Variants in ZAN observed in about 807,000 individuals in gnomAD.
ZAN encodes the protein zonadhesin.
ZAN carries 260 observed loss-of-function variants against 286.2 expected under a neutral mutation model. The observed-to-expected ratio is 0.91, with a 90% CI of 0.82 to 1.01. The LOEUF (loss-of-function observed/expected upper bound fraction) is 1.01, where lower values mean the gene tolerates loss of function less well. Among genes scored for constraint, ZAN ranks in the 50% least tolerant of loss-of-function variants. The probability of loss-of-function intolerance (pLI) is 0.00; values close to 1 mark genes in which losing one functional copy is unlikely to be tolerated. For synonymous variants in ZAN, 1,368 were observed against 1,417.5 expected (o/e 0.97, Z 0.79); for missense variants, 3,410 against 3,639.2 (o/e 0.94, Z 1.62).
chr7:100,775,290 A>G (rs1810672445), intron 31 of ZAN, 38 bp from the exon 32 acceptor site: 3 of 1,603,078 alleles, frequency 1.9e-6, no homozygotes, highest in African/African-American at 2.7e-5. Flanking sequence ...TACCTGCCAG[A>G]GGAGCGTCAT....
intron 22 of ZAN, among the ~76,000 whole-genome samples, 200 bp from the exon 23 acceptor site, chr7:100,765,152 C>A (rs1809865158): frequency 6.6e-6 from 1 of 152,196 alleles, no homozygotes; most frequent in South Asian, 2.1e-4. Flanking sequence ...CTAAGTCTCT[C>A]AGGGCCGGCG....
chr7:100,776,658 CCCCTCCCCTT>C, intron 34 of ZAN, 94 bp downstream of exon 34: 4 of 897,630 alleles, frequency 4.5e-6, no homozygotes, highest in Non-Finnish European at 6.1e-6. Context: ...CCCCTCCCCT[CCCCTCCCCTT>C]CCTTCCTTTC....
chr7:100,792,317 G>C, intron 41 of ZAN, 88 bp from the exon 42 acceptor site: 1 of 1,520,440 alleles, frequency 6.6e-7, no homozygotes, highest in Non-Finnish European at 8.8e-7. Flanking sequence ...ATGTCTTTCT[G>C]TTTGGGGTTC....
intron 2 of ZAN, among the ~76,000 whole-genome samples, 165 bp downstream of exon 2, chr7:100,734,386 G>A (rs537174540): frequency 7.1e-6 from 1 of 140,996 alleles, no homozygotes; most frequent in Non-Finnish European, 1.6e-5. Context: ...TTGGGAGGCT[G>A]AGGTGGGCAG....
At position 100,787,910 on chromosome 7, in the gene ZAN, A is replaced by C. The variant is rs60783739; in HGVS notation, c.7001A>C (p.Tyr2334Ser). 23,174 of 1,543,484 alleles carry C rather than the reference A, an allele frequency of 0.015. 1,882 individuals carry two copies. In the African/African-American group the frequency reaches 0.21, roughly 14 times the overall value. The change falls in exon 38 of 48, where the codon TAT (tyrosine) becomes TCT (serine). Residue 2334 changes from tyrosine to serine, a missense_variant. This residue lies in a region of ZAN where 1,289 missense variants were observed against 1,314.3 expected (regional missense o/e 0.98). Coordinates refer to ENST00000613979, the MANE Select transcript of ZAN (RefSeq NM_003386.3). ...VSDKSEQCSVYGDPRYLTFDG... is the reference protein window; with the variant it reads ...VSDKSEQCSVSGDPRYLTFDG... ...GCAGAGTCTGAACAATGCTCAGTCTATGGCGACCCCCGTTACCTCACATTT... is the reference window on the plus strand; with the variant it reads ...GCAGAGTCTGAACAATGCTCAGTCTCTGGCGACCCCCGTTACCTCACATTT...
chr7:100,787,015 T>C (rs1171390672), intron 37 of ZAN, among the ~76,000 whole-genome samples: 2 of 151,836 alleles, frequency 1.3e-5, no homozygotes, highest in Non-Finnish European at 2.9e-5. Context: ...TGAGCTATGA[T>C]TGTACCACTG....
At chr7:100,770,503 C>CAA (rs71126334) in intron 28 of ZAN, among the ~76,000 whole-genome samples, 48,971 of 93,294 alleles carry the variant, frequency 0.52, 13,817 homozygotes, top group Middle Eastern at 0.65. Flanking sequence ...GACTCTGTCT[C>CAA]AAAAAAAAAA....
At chr7:100,762,066 C>A in intron 19 of ZAN, 149 bp from the exon 20 acceptor site, 3 of 913,476 alleles carry the variant, frequency 3.3e-6, no homozygotes, top group Non-Finnish European at 5.0e-6. Flanking sequence ...TGGGGGAGGG[C>A]CATGGGGTCC....
In ZAN at chr7:100,784,694, G is replaced by A. The variant is rs149194496; in HGVS notation, c.6694G>A (p.Asp2232Asn). 9.5e-4 allele frequency: 1,536 copies of A among 1,613,924 alleles called. 13 individuals are homozygous for A. In the East Asian group the frequency reaches 0.028, roughly 29 times the overall value. Residue 2232 changes from aspartate to asparagine, a missense_variant, in exon 36 of 48, where the codon GAT becomes AAT. By Grantham distance (23) the Asp-to-Asn change is conservative (BLOSUM62 1). Around this residue, in one of 7 missense-constraint regions of ZAN, gnomAD observed 1,289 missense variants for 1,314.3 expected, o/e 0.98. Transcript: ENST00000613979. Reference protein sequence around the residue: ...PSCSPSCWDLDGRCEGAKVPS... With the variant: ...PSCSPSCWDLNGRCEGAKVPS... Reference sequence around the variant, plus strand: ...CTGCTCACCCTCCTGCTGGGACCTGGATGGCCGGTGTGAGGGCGCCAAAGT... The same window carrying A: ...CTGCTCACCCTCCTGCTGGGACCTGAATGGCCGGTGTGAGGGCGCCAAAGT...
At chr7:100,755,203 G>A (rs1263560663) in intron 14 of ZAN, 23 bp from the exon 15 acceptor site, 1 of 1,598,234 alleles carries the variant, frequency 6.3e-7, no homozygotes, top group African/African-American at 1.3e-5. Flanking sequence ...ATGAAAGCAT[G>A]ACAGAGGCTG....
chr7:100,787,629 G>A (rs1811645397), intron 37 of ZAN, among the ~76,000 whole-genome samples: 1 of 151,924 alleles, frequency 6.6e-6, no homozygotes, highest in Admixed American at 6.6e-5. Flanking sequence ...GCGCGATCTC[G>A]GCGCTCACTA....
rs535036029 is a variant in ZAN at position 100,734,456 on chromosome 7, A to G, written c.53+235A>G. Among the ~76,000 whole-genome samples the G allele has an allele frequency of 5.0e-5, 7 of 139,640 alleles. No homozygotes were observed. In the East Asian group the frequency reaches 1.4e-3, roughly 29 times the overall value. 91.6% of individuals were successfully genotyped at this position (139,640 alleles called of 152,430 possible). On this transcript the variant is annotated intron_variant, in intron 2 of 47. Coordinates refer to ENST00000613979, the MANE Select transcript of ZAN (RefSeq NM_003386.3). The stretch of plus-strand genomic sequence containing the variant: ...AACATGGTGAAACCTCGTCTCTACT[A>G]AAAATACAAAAAATTAGCCAGGCGT...
At chr7:100,740,513 T>A (rs1346346618) in intron 7 of ZAN, among the ~76,000 whole-genome samples, 1 of 53,436 alleles carries the variant, frequency 1.9e-5, no homozygotes, top group African/African-American at 8.6e-5. Flanking sequence ...TTAACGAGCA[T>A]GCTGCCTTCA....
chr7:100,774,905 C>A (rs1016947957), intron 31 of ZAN, among the ~76,000 whole-genome samples: 1 of 131,772 alleles, frequency 7.6e-6, no homozygotes, highest in African/African-American at 2.8e-5. Context: ...GCCTCCTAGC[C>A]CTGGCCCTGG....
Position 100,764,205 on chromosome 7 carries a change from T to C in ZAN, c.4267+9T>C. On this transcript the variant is annotated intron_variant, in intron 22 of 47. Coordinates refer to ENST00000613979, the MANE Select transcript of ZAN (RefSeq NM_003386.3). ...GGAACCCCACTTCTGCCGTGAGTTG[T>C]GCCAAACTCAGAGGAGAGGCCGGGC... is the stretch of plus-strand genomic sequence containing the variant. The C allele has an allele frequency of 6.5e-7, 1 of 1,534,110 alleles. No individual in the cohort carries two copies. Among genetic ancestry groups the C allele is most frequent in the Non-Finnish European group, 8.8e-7 (1 of 1,140,710 alleles).
chr7:100,756,542 A>G (rs1223961575), intron 15 of ZAN, among the ~76,000 whole-genome samples: 2 of 151,784 alleles, frequency 1.3e-5, no homozygotes, highest in African/African-American at 4.8e-5. Flanking sequence ...TTTTGGGACT[A>G]TTATTTCTTT....
At chr7:100,770,503 CAA>C (rs71126334) in intron 28 of ZAN, among the ~76,000 whole-genome samples, 1 of 93,690 alleles carries the variant, frequency 1.1e-5, no homozygotes, top group African/African-American at 4.3e-5. Flanking sequence ...GACTCTGTCT[CAA>C]AAAAAAAAAA....
At position 100,790,960 on chromosome 7, in the gene ZAN, T is replaced by C. The variant is rs569735375; in HGVS notation, c.7376T>C (p.Met2459Thr). The change falls in exon 40 of 48, where the codon ATG (methionine) becomes ACG (threonine). Residue 2459 changes from methionine (M) to threonine (T), a missense_variant. Around this residue, in one of 7 missense-constraint regions of ZAN, gnomAD observed 1,289 missense variants for 1,314.3 expected, o/e 0.98. Transcript: ENST00000613979. ...RKNAVISLPS[M>T]YEGLVSGLCG... The stretch of plus-strand genomic sequence containing the variant: ...CCCGCAGTGATCTCCCTACCCAGCA[T>C]GTACGAGGGGCTTGTGAGTGGCCTG... The C allele has an allele frequency of 3.7e-6, 6 of 1,611,140 alleles. No homozygotes were observed. Among genetic ancestry groups the C allele is most frequent in the African/African-American group, 1.3e-5 (1 of 74,520 alleles).
intron 9 of ZAN, 51 bp from the exon 10 acceptor site, chr7:100,748,086 T>G: frequency 6.7e-7 from 1 of 1,502,148 alleles, no homozygotes; most frequent in South Asian, 1.1e-5. Flanking sequence ...ATCAGGGGCT[T>G]GGGGGTGTGG....
Sources: allele counts gnomAD v4.1 joint callset (sites outside exome capture counted in the v4.1 genomes callset), GRCh38; gene constraint gnomAD v4.1.1; regional missense constraint gnomAD v4.1.1; transcripts MANE v1.5; gene names NCBI Gene and HGNC (gene_info 2026-07-23, HGNC 2026-07-21).